WDR41: variants seen among roughly 807,000 people sequenced by gnomAD.
WDR41 encodes the protein WD repeat-containing protein 41.
A neutral mutation model predicts 69.3 loss-of-function variants in WDR41; 63 were observed. That is an observed-to-expected ratio of 0.91 (90% CI 0.74 to 1.12). The LOEUF is 1.12. Among genes scored for constraint, WDR41 ranks in the 50% most tolerant of loss-of-function variants. WDR41 has a pLI of 0.00. For missense variants in WDR41, 543 were observed against 534.5 expected (o/e 1.02, Z -0.16); for synonymous variants, 185 against 192.1 (o/e 0.96, Z 0.31).
At chr5:77,523,246 G>A (rs140366771) in intron 1 of WDR41, among the ~76,000 whole-genome samples, 94 of 151,658 alleles carry the variant, frequency 6.2e-4, no homozygotes, top group African/African-American at 2.1e-3. Context: ...CCCGGGAGGC[G>A]GAGATTGCAG....
At chr5:77,492,480 C>T (rs1345228094), upstream of WDR41, 2 of 422,842 alleles carry the variant, frequency 4.7e-6, no homozygotes, top group Non-Finnish European at 8.3e-6. Context: ...GCGGCTGCGG[C>T]GATTGCGGGG....
rs1412912272 is a variant in WDR41 at position 77,523,700 on chromosome 5, G to A, written c.43-34128C>T. Among the ~76,000 whole-genome samples the A allele has an allele frequency of 2.6e-5, 4 of 152,016 alleles. No homozygotes were observed. In the East Asian group the frequency reaches 7.7e-4, roughly 29 times the overall value. ...TTTTTAGTTTAACAATCTTGCCAAC[G>A]ATGAGAAATGGATTTGAATACACCC... On this transcript the variant is annotated intron_variant, in intron 1 of 5. Coordinates refer to the WDR41 transcript ENST00000509971.
intron 1 of WDR41, among the ~76,000 whole-genome samples, chr5:77,529,637 A>G (rs1802497401): frequency 6.6e-6 from 1 of 151,590 alleles, no homozygotes; most frequent in Non-Finnish European, 1.5e-5. Flanking sequence ...AACCTACAGA[A>G]TTAAGTCAAT....
chr5:77,471,352 T>C (rs1220316842), intron 2 of WDR41, among the ~76,000 whole-genome samples: 1 of 151,794 alleles, frequency 6.6e-6, no homozygotes, highest in Non-Finnish European at 1.5e-5. Context: ...CACCCTAACA[T>C]CACAATTAAA....
intron 1 of WDR41, chr5:77,491,724 G>C (rs1173165918): frequency 1.2e-5 from 2 of 166,952 alleles, no homozygotes; most frequent in Non-Finnish European, 2.6e-5. Flanking sequence ...CCAAGTATCA[G>C]TAGACGCCAG....
intron 1 of WDR41, among the ~76,000 whole-genome samples, chr5:77,512,369 T>A (rs867974858): frequency 0.37 from 44,497 of 120,894 alleles, 7,699 homozygotes; most frequent in Middle Eastern, 0.41. Flanking sequence ...TGTGTGTGTG[T>A]GTGTGTGTGT....
intron 5 of WDR41, among the ~76,000 whole-genome samples, chr5:77,455,107 A>T (rs998492537): frequency 6.6e-6 from 1 of 152,204 alleles, no homozygotes; most frequent in Non-Finnish European, 1.5e-5. Context: ...AGATCCCACC[A>T]GCAATGTATG....
At chr5:77,494,184 T>A (rs1046618333), upstream of WDR41, among the ~76,000 whole-genome samples, 2 of 152,030 alleles carry the variant, frequency 1.3e-5, no homozygotes, top group African/African-American at 2.4e-5. Context: ...TAAATGGAAA[T>A]GATCAGGGAA....
intron 8 of WDR41, among the ~76,000 whole-genome samples, chr5:77,445,331 C>A (rs1315690001): frequency 2.0e-5 from 3 of 152,166 alleles, no homozygotes; most frequent in African/African-American, 7.2e-5. Context: ...GGATTCACAG[C>A]TGAATTCTAC....
intron 1 of WDR41, among the ~76,000 whole-genome samples, chr5:77,518,864 T>C (rs1035261462): frequency 3.3e-5 from 5 of 152,050 alleles, no homozygotes; most frequent in Non-Finnish European, 5.9e-5. Context: ...TCCAAATGAA[T>C]AATCTCAGTG....
At chr5:77,497,025 A>G (rs1283148957), upstream of WDR41, among the ~76,000 whole-genome samples, 1 of 152,140 alleles carries the variant, frequency 6.6e-6, no homozygotes, top group African/African-American at 2.4e-5. Context: ...AATTGGTACT[A>G]GGAAAACTGG....
At chr5:77,511,320 G>T (rs1213256288) in intron 1 of WDR41, among the ~76,000 whole-genome samples, 6 of 152,112 alleles carry the variant, frequency 3.9e-5, no homozygotes, top group African/African-American at 1.2e-4. Flanking sequence ...TTCTGCTAAG[G>T]ATTGTGCATT....
intron 2 of WDR41, among the ~76,000 whole-genome samples, chr5:77,482,791 T>C (rs1464946338): frequency 6.6e-6 from 1 of 151,558 alleles, no homozygotes; most frequent in Non-Finnish European, 1.5e-5. Flanking sequence ...ACATAATGAT[T>C]ATTTTCAGCT....
intron 5 of WDR41, among the ~76,000 whole-genome samples, chr5:77,455,016 A>G (rs1001177119): frequency 1.3e-5 from 2 of 152,100 alleles, no homozygotes; most frequent in African/African-American, 4.8e-5. Context: ...TCTCTTGGGG[A>G]TATACCAAGG....
chr5:77,506,723 T>C (rs1802113786), intron 1 of WDR41, among the ~76,000 whole-genome samples: 1 of 152,174 alleles, frequency 6.6e-6, no homozygotes, highest in Non-Finnish European at 1.5e-5. Flanking sequence ...AAGGATGAGA[T>C]TATGTCCTTT....
chr5:77,556,071 C>T (rs185417050), intron 1 of WDR41, among the ~76,000 whole-genome samples: 1 of 104,046 alleles, frequency 9.6e-6, no homozygotes, highest in African/African-American at 3.8e-5. Context: ...TGATTTTTGA[C>T]AAAGGTGGTG....
chr5:77,464,482 A>C (rs549984840), intron 3 of WDR41, among the ~76,000 whole-genome samples: 1 of 151,850 alleles, frequency 6.6e-6, no homozygotes, highest in African/African-American at 2.4e-5. Context: ...CCTGGCCCCA[A>C]GTTATCCGTT....
chr5:77,459,180 C>A, intron 4 of WDR41, 56 bp from the exon 5 acceptor site: 3 of 1,281,732 alleles, frequency 2.3e-6, no homozygotes, highest in Non-Finnish European at 3.3e-6. Context: ...TTAATTATAA[C>A]TTTTCTAATT....
Position 77,572,612 on chromosome 5 carries a change from C to A in WDR41, c.42+47867G>T, listed in dbSNP as rs138577068. 3.1e-3 allele frequency among the ~76,000 whole-genome samples: 475 copies of A among 152,188 alleles called. 2 individuals carry two copies. Among genetic ancestry groups the A allele is most frequent in the African/African-American group, 0.011 (458 of 41,524 alleles). On this transcript the variant is annotated intron_variant, in intron 1 of 5. Transcript: ENST00000509971. ...GACATTTTTTCAAGAATAAATGAAG[C>A]CAAGATCAATCTTAAGGACAGTGGA...
Sources: gnomAD v4.1 joint callset for allele counts (sites outside exome capture counted in the v4.1 genomes callset) on GRCh38, gnomAD v4.1.1 for gene constraint, MANE v1.5 for transcripts, NCBI Gene and HGNC (gene_info 2026-07-23, HGNC 2026-07-21) for gene names.